Variants in RASAL2 observed in about 807,000 individuals in gnomAD.
The protein encoded by RASAL2 is ras GTPase-activating protein nGAP.
RASAL2 carries 58 observed loss-of-function variants against 128.9 expected under a neutral mutation model. That is an observed-to-expected ratio of 0.45 (90% confidence interval 0.36 to 0.56). The LOEUF (loss-of-function observed/expected upper bound fraction) is 0.56. Ranked by LOEUF, RASAL2 falls within the 20% of genes least tolerant of loss-of-function variation. The pLI, the probability that RASAL2 is intolerant of heterozygous loss-of-function variation, is 0.00. For synonymous variants in RASAL2, 561 were observed against 580.8 expected (o/e 0.97, Z 0.49); for missense variants, 1,360 against 1,601.6 (o/e 0.85, Z 2.57).
intron 4 of RASAL2, among the ~76,000 whole-genome samples, chr1:178,401,754 A>G (rs1028777563): frequency 1.3e-5 from 2 of 152,182 alleles, no homozygotes; most frequent in Non-Finnish European, 2.9e-5. Context: ...TGTCCTAGCT[A>G]CCTGGGCTTA....
intron 4 of RASAL2, among the ~76,000 whole-genome samples, chr1:178,419,256 T>C (rs1485467987): frequency 2.0e-5 from 3 of 152,154 alleles, no homozygotes; most frequent in Admixed American, 2.0e-4. Context: ...GAATCTTTGC[T>C]TGAAAAATTT....
chr1:178,467,395 G>A lies in RASAL2; in HGVS notation c.3652G>A (p.Ala1218Thr). The part of the protein sequence containing the change: ...DHAEMQAVID[A>T]KQKIIDAQEK... ...TGCTGAGATGCAAGCAGTTATTGAT[G>A]CAAAGCAGAAAATAATTGATGCACA... Residue 1218 changes from alanine to threonine, a missense_variant, in exon 17 of 18, where the codon GCA becomes ACA. By Grantham distance (58) the Ala-to-Thr change is moderately conservative. Around this residue, in one of 3 missense-constraint regions of RASAL2, gnomAD observed 741 missense variants for 868.6 expected, o/e 0.85. Transcript: ENST00000367649. The A allele has an allele frequency of 1.2e-6, 2 of 1,614,056 alleles. No homozygotes were observed. Among genetic ancestry groups the A allele is most frequent in the Non-Finnish European group, 1.7e-6 (2 of 1,179,908 alleles).
chr1:178,192,988 A>T (rs1217537906), intron 1 of RASAL2, among the ~76,000 whole-genome samples: 1 of 152,172 alleles, frequency 6.6e-6, no homozygotes, highest in Non-Finnish European at 1.5e-5. Flanking sequence ...AGACTGAGTC[A>T]CAATTAGAGA....
intron 9 of RASAL2, among the ~76,000 whole-genome samples, chr1:178,447,672 TTAAA>T (rs1677098564): frequency 2.6e-5 from 2 of 76,702 alleles, no homozygotes; most frequent in African/African-American, 1.5e-4. Context: ...ACTCCTTCTC[TTAAA>T]AAAAAAAAAA....
intron 5 of RASAL2, among the ~76,000 whole-genome samples, chr1:178,428,179 A>T (rs1462325892): frequency 6.6e-6 from 1 of 152,028 alleles, no homozygotes; most frequent in East Asian, 1.9e-4. Flanking sequence ...CCATTCAGCC[A>T]TTGAAAGACG....
At chr1:178,344,404 A>G (rs1010773755) in intron 3 of RASAL2, among the ~76,000 whole-genome samples, 4 of 152,160 alleles carry the variant, frequency 2.6e-5, no homozygotes, top group Non-Finnish European at 5.9e-5. Context: ...AGGGGCCAGG[A>G]GCAGGGACTT....
intron 2 of RASAL2, among the ~76,000 whole-genome samples, chr1:178,292,035 C>CAA (rs34317624): frequency 0.17 from 9,998 of 58,316 alleles, 736 homozygotes; most frequent in African/African-American, 0.2. Flanking sequence ...GACTTTGTCT[C>CAA]AAAAAAAAAA....
intron 3 of RASAL2, chr1:178,372,326 C>CG (rs1557937853): frequency 1.0e-6 from 1 of 985,226 alleles, no homozygotes; most frequent in Non-Finnish European, 1.2e-6. Context: ...TTTCTGGGTA[C>CG]GGTAGGGCTT....
At chr1:178,386,654 A>G (rs1672590702) in intron 3 of RASAL2, among the ~76,000 whole-genome samples, 2 of 152,220 alleles carry the variant, frequency 1.3e-5, no homozygotes, top group Admixed American at 6.5e-5. Context: ...AGAGATGAGA[A>G]AGTGAGGCAG....
At chr1:178,450,637 C>T (rs1420911231) in intron 9 of RASAL2, among the ~76,000 whole-genome samples, 1 of 152,078 alleles carries the variant, frequency 6.6e-6, no homozygotes, top group East Asian at 1.9e-4. Context: ...TATAACTAGC[C>T]TGAACCTCAA....
At chr1:178,096,792 A>G (rs1658708223) in intron 1 of RASAL2, among the ~76,000 whole-genome samples, 1 of 151,884 alleles carries the variant, frequency 6.6e-6, no homozygotes, top group Admixed American at 6.6e-5. Context: ...ATTGTTTAGT[A>G]TTGCTACTTT....
rs927530496 is a variant in RASAL2 at position 178,154,658 on chromosome 1, G to A, written c.202+59964G>A. Among the ~76,000 whole-genome samples, 6 of 152,276 alleles carry A rather than the reference G, an allele frequency of 3.9e-5. No individual in the cohort carries two copies. The South Asian group carries it at 8.3e-4, about 21-fold the overall frequency. On this transcript the variant is annotated intron_variant, in intron 1 of 17. Transcript: ENST00000367649. ...TTGCATTTCCCTGATGACTAATTAA[G>A]TTGAACATCTTTGCATGTGCATATT...
intron 17 of RASAL2, among the ~76,000 whole-genome samples, chr1:178,470,127 G>A (rs1648121781): frequency 6.6e-6 from 1 of 152,130 alleles, no homozygotes; most frequent in African/African-American, 2.4e-5. Flanking sequence ...CTTTTGTAAG[G>A]ATAAATCTTC....
At chr1:178,387,934 G>A (rs562760890) in intron 3 of RASAL2, among the ~76,000 whole-genome samples, 10 of 152,272 alleles carry the variant, frequency 6.6e-5, no homozygotes, top group Admixed American at 3.3e-4. Flanking sequence ...AAAATTGGAT[G>A]TATGGAAGAA....
intron 1 of RASAL2, among the ~76,000 whole-genome samples, chr1:178,146,569 C>T (rs1464440910): frequency 6.6e-6 from 1 of 152,164 alleles, no homozygotes; most frequent in Non-Finnish European, 1.5e-5. Context: ...ACTTGGAAAA[C>T]ATCTTCTTGT....
At chr1:178,275,033 G>A (rs1009232782) in intron 1 of RASAL2, among the ~76,000 whole-genome samples, 6 of 152,222 alleles carry the variant, frequency 3.9e-5, no homozygotes, top group African/African-American at 1.4e-4. Context: ...AGTATGAACT[G>A]TAGATTATGA....
intron 9 of RASAL2, 132 bp downstream of exon 9, chr1:178,445,794 A>T: frequency 1.1e-6 from 1 of 926,834 alleles, no homozygotes; most frequent in East Asian, 2.7e-5. Context: ...TAAGGTTTGA[A>T]TCATGGCTGT....
chr1:178,135,012 G>C (rs1268290141), intron 1 of RASAL2, among the ~76,000 whole-genome samples: 2 of 152,184 alleles, frequency 1.3e-5, no homozygotes, highest in Non-Finnish European at 2.9e-5. Context: ...GCCTAGGAAA[G>C]CTTCACCAGA....
chr1:178,220,432 T>G (rs1663575479), intron 1 of RASAL2, among the ~76,000 whole-genome samples: 1 of 152,102 alleles, frequency 6.6e-6, no homozygotes, highest in Non-Finnish European at 1.5e-5. Flanking sequence ...ATTACAGTAG[T>G]AACATCAAAG....
Sources: gnomAD v4.1 joint callset for allele counts (sites outside exome capture counted in the v4.1 genomes callset) on GRCh38, gnomAD v4.1.1 for gene constraint, gnomAD v4.1.1 regional missense constraint, MANE v1.5 for transcripts, NCBI Gene and HGNC (gene_info 2026-07-23, HGNC 2026-07-21) for gene names.